Variants in SPATA31H1 observed in about 807,000 individuals in gnomAD.
SPATA31H1 encodes the protein SPATA31 subfamily H member 1.
At chr2:27,541,973 C>T in the SPATA31H1 span, among the ~76,000 whole-genome samples, 28 of 152,038 alleles carry the variant, frequency 1.8e-4, 1 homozygote, top group Non-Finnish European at 8.8e-5. Context: ...AGGGTATCGC[C>T]ATGGTGCCCA....
the SPATA31H1 span, chr2:27,581,546 A>AGAGAGAAGCCATCGCAGTTCCTCT: frequency 7.0e-7 from 1 of 1,422,450 alleles, no homozygotes; most frequent in Non-Finnish European, 9.5e-7. Flanking sequence ...GCAGTCCCTC[A>AGAGAGAAGCCATCGCAGTTCCTCT]GAGAGAAGCC....
the SPATA31H1 span, among the ~76,000 whole-genome samples, chr2:27,564,883 A>T: frequency 3.3e-5 from 5 of 152,344 alleles, no homozygotes; most frequent in East Asian, 1.9e-4. Context: ...TTTGAAAAAA[A>T]TCCCAGAAGT....
At chr2:27,549,029 C>T in the SPATA31H1 span, among the ~76,000 whole-genome samples, 20 of 145,966 alleles carry the variant, frequency 1.4e-4, no homozygotes, top group African/African-American at 2.3e-4. Flanking sequence ...GCTGAGATCA[C>T]GCCACTGCAC....
the SPATA31H1 span, chr2:27,579,176 G>A: frequency 2.2e-5 from 35 of 1,614,112 alleles, no homozygotes; most frequent in African/African-American, 5.3e-5. Context: ...AGTCTTTCCC[G>A]GGCAGACAAC....
At chr2:27,539,073 A>G in the SPATA31H1 span, among the ~76,000 whole-genome samples, 2 of 147,286 alleles carry the variant, frequency 1.4e-5, no homozygotes, top group African/African-American at 5.0e-5. Flanking sequence ...TGATGCAAAG[A>G]GTTAATTATA....
the SPATA31H1 span, among the ~76,000 whole-genome samples, chr2:27,561,503 T>C: frequency 2.6e-5 from 4 of 152,222 alleles, no homozygotes; most frequent in African/African-American, 9.7e-5. Flanking sequence ...TTTTCAGCAA[T>C]TATGCCTATG....
the SPATA31H1 span, chr2:27,577,524 T>A: frequency 6.2e-7 from 1 of 1,614,108 alleles, no homozygotes; most frequent in Admixed American, 1.7e-5. The surrounding 1 kb of genome is among the most constrained non-coding windows in gnomAD (Gnocchi z 4.5). Context: ...AAACTTAGAA[T>A]GTGTGGAGGT....
chr2:27,548,131 G>A, the SPATA31H1 span, among the ~76,000 whole-genome samples: 1 of 151,580 alleles, frequency 6.6e-6, no homozygotes, highest in Non-Finnish European at 1.5e-5. Context: ...ACAGGCGCCT[G>A]CCACTGTGCC....
At chr2:27,562,773 G>A in the SPATA31H1 span, among the ~76,000 whole-genome samples, 1 of 151,442 alleles carries the variant, frequency 6.6e-6, no homozygotes, top group Admixed American at 6.6e-5. Context: ...TGTAGTCCCA[G>A]CTACTCAGGA....
chr2:27,580,582 TAA>T, the SPATA31H1 span: 2 of 1,614,154 alleles, frequency 1.2e-6, no homozygotes, highest in Non-Finnish European at 1.7e-6. Flanking sequence ...ACTGCCTCTT[TAA>T]AAAGACAACC....
the SPATA31H1 span, chr2:27,576,106 T>C: frequency 5.0e-6 from 2 of 400,390 alleles, no homozygotes; most frequent in Non-Finnish European, 8.8e-6. Context: ...AATCCAGGGC[T>C]AAAATTGCAA....
At chr2:27,542,068 C>T in the SPATA31H1 span, among the ~76,000 whole-genome samples, 9 of 151,936 alleles carry the variant, frequency 5.9e-5, 2 homozygotes, top group African/African-American at 1.9e-4. Context: ...CCACCACACC[C>T]GACCTTAAGT....
At chr2:27,581,559 C>G in the SPATA31H1 span, 1 of 1,458,620 alleles carries the variant, frequency 6.9e-7, no homozygotes, top group Non-Finnish European at 9.3e-7. Flanking sequence ...GAGAAGCCAT[C>G]GCAGTTCCTC....
At chr2:27,573,522 C>T in the SPATA31H1 span, 1 of 398,510 alleles carries the variant, frequency 2.5e-6, no homozygotes. Context: ...GACATCACTC[C>T]AGGAACATCA....
the SPATA31H1 span, chr2:27,580,897 G>C: frequency 1.2e-5 from 19 of 1,613,982 alleles, no homozygotes; most frequent in Non-Finnish European, 1.2e-5. Flanking sequence ...CAACAGCCAA[G>C]AAGAGCTTAC....
At chr2:27,571,720 A>C in the SPATA31H1 span, 1 of 398,512 alleles carries the variant, frequency 2.5e-6, no homozygotes, top group African/African-American at 2.1e-5. Context: ...AAATTTGTGG[A>C]GATTACTCCA....
the SPATA31H1 span, chr2:27,576,495 T>C: frequency 8.9e-6 from 10 of 1,129,890 alleles, no homozygotes; most frequent in African/African-American, 1.6e-5. Context: ...TTCTTCAGGG[T>C]TGACATCATG....
At chr2:27,567,313 T>C in the SPATA31H1 span, 1 of 554,552 alleles carries the variant, frequency 1.8e-6, no homozygotes, top group Admixed American at 3.2e-5. Context: ...GTTTTTGCTT[T>C]GCGGCAACAA....
At chr2:27,552,241 C>T in the SPATA31H1 span, among the ~76,000 whole-genome samples, 1 of 151,968 alleles carries the variant, frequency 6.6e-6, no homozygotes, top group East Asian at 1.9e-4. Context: ...TAGGTCTTTG[C>T]ATCATTTTGA....
Sources: allele counts gnomAD v4.1 joint callset (sites outside exome capture counted in the v4.1 genomes callset), GRCh38; gene constraint gnomAD v4.1.1; non-coding constraint Gnocchi (gnomAD v3.1); transcripts MANE v1.5; gene names NCBI Gene and HGNC (gene_info 2026-07-23, HGNC 2026-07-21).